GALNTL5: variants seen among roughly 807,000 people sequenced by gnomAD.
GALNTL5 encodes the protein polypeptide N-acetylgalactosaminyltransferase like 5.
A neutral mutation model predicts 51.0 loss-of-function variants in GALNTL5; 44 were observed. The observed-to-expected ratio is 0.86, with a 90% CI of 0.68 to 1.11. GALNTL5 has a LOEUF of 1.11. Among genes scored for constraint, GALNTL5 ranks in the 50% least tolerant of loss-of-function variants. GALNTL5 has a pLI of 0.00. For missense variants in GALNTL5, 528 were observed against 531.8 expected (o/e 0.99, Z 0.07); for synonymous variants, 192 against 182.8 (o/e 1.05, Z -0.41).
intron 3 of GALNTL5, among the ~76,000 whole-genome samples, chr7:151,981,318 C>T (rs73161845): frequency 0.19 from 29,289 of 152,108 alleles, 3,131 homozygotes; most frequent in African/African-American, 0.28. Flanking sequence ...GCGTGCCAGG[C>T]ACTGCTCTAA....
At chr7:152,008,863 T>C (rs1165043676) in intron 7 of GALNTL5, among the ~76,000 whole-genome samples, 1 of 152,218 alleles carries the variant, frequency 6.6e-6, no homozygotes, top group African/African-American at 2.4e-5. Context: ...TGTTTTATTA[T>C]ATTGCACTCT....
chr7:151,965,037 C>T (rs2081041057), intron 1 of GALNTL5, among the ~76,000 whole-genome samples: 1 of 152,170 alleles, frequency 6.6e-6, no homozygotes, highest in Non-Finnish European at 1.5e-5. Context: ...CTCTACCAGT[C>T]TACTTCTCCA....
intron 1 of GALNTL5, among the ~76,000 whole-genome samples, chr7:151,957,617 G>A (rs1401319859): frequency 2.6e-5 from 4 of 152,036 alleles, no homozygotes; most frequent in South Asian, 4.1e-4. Flanking sequence ...TTTAGGCTAG[G>A]GTTTTGGCGT....
Position 151,967,313 on chromosome 7 carries a change from T to C in GALNTL5, c.67T>C (p.Leu23=). The change falls in exon 2 of 9, where the codon TTA becomes CTA. Residue 23 remains leucine, a synonymous_variant. Transcript: ENST00000392800. ...SLTFGIWTAL[L]FIYLHHNHVS... ...GACATTTGGGATCTGGACAGCTCTG[T>C]TATTCATATATTTGCACCATAATCA... 1 of 1,614,110 alleles carries C rather than the reference T, an allele frequency of 6.2e-7. No individual in the cohort carries two copies. Among genetic ancestry groups the C allele is most frequent in the Non-Finnish European group, 8.5e-7 (1 of 1,179,952 alleles).
At chr7:151,973,858 G>A (rs2081177191) in intron 3 of GALNTL5, among the ~76,000 whole-genome samples, 3 of 152,154 alleles carry the variant, frequency 2.0e-5, no homozygotes, top group Non-Finnish European at 4.4e-5. Flanking sequence ...CAGGTGTCGA[G>A]GGAGGGGCCA....
chr7:152,014,892 C>G, intron 8 of GALNTL5, 99 bp downstream of exon 8: 1 of 1,147,876 alleles, frequency 8.7e-7, no homozygotes, highest in Non-Finnish European at 1.2e-6. Context: ...AGCGTTTGTT[C>G]TGGAGGTCAT....
At chr7:151,990,513 G>A (rs1204509774) in intron 5 of GALNTL5, among the ~76,000 whole-genome samples, 1 of 128,332 alleles carries the variant, frequency 7.8e-6, no homozygotes, top group African/African-American at 2.9e-5. Flanking sequence ...CCCGGGAGGC[G>A]GAGCTTGCAG....
rs371421844 is a variant in GALNTL5 at position 151,967,206 on chromosome 7, A to C, written c.-39-2A>C. On this transcript the variant is annotated splice_acceptor_variant, in intron 1 of 8. Coordinates refer to ENST00000392800, the MANE Select transcript of GALNTL5 (RefSeq NM_145292.4). LOFTEE classifies it low-confidence loss of function (5UTR_SPLICE). ...TGCTCCTCTTAAATCATTCTGATTT[A>C]GGAAATTGAAAAATGGACCTTTGAA... is the stretch of plus-strand genomic sequence containing the variant. 7 of 1,579,226 alleles carry C rather than the reference A, an allele frequency of 4.4e-6. No individual in the cohort carries two copies. In the African/African-American group the frequency reaches 9.5e-5, roughly 21 times the overall value.
chr7:151,981,044 C>T (rs945432940), intron 3 of GALNTL5, among the ~76,000 whole-genome samples: 2 of 152,124 alleles, frequency 1.3e-5, no homozygotes, highest in African/African-American at 4.8e-5. Context: ...CGCGCCCGGC[C>T]ACAATGATTT....
intron 8 of GALNTL5, among the ~76,000 whole-genome samples, chr7:152,015,937 G>C (rs1332819693): frequency 1.3e-5 from 2 of 152,106 alleles, no homozygotes; most frequent in Non-Finnish European, 2.9e-5. Flanking sequence ...AAATGTGTAA[G>C]AATCTCTCTG....
intron 6 of GALNTL5, among the ~76,000 whole-genome samples, chr7:152,005,454 C>T (rs77602719): frequency 0.027 from 4,105 of 152,278 alleles, 187 homozygotes; most frequent in African/African-American, 0.095. Flanking sequence ...ATGGACGGAA[C>T]TGCAGTGCCC....
intron 5 of GALNTL5, among the ~76,000 whole-genome samples, chr7:152,001,560 T>C (rs1033245262): frequency 6.6e-6 from 1 of 152,224 alleles, no homozygotes; most frequent in Non-Finnish European, 1.5e-5. Context: ...CAAAAATCAA[T>C]TGACCATAGA....
chr7:152,013,959 A>T (rs2081772351), intron 7 of GALNTL5, among the ~76,000 whole-genome samples: 1 of 152,238 alleles, frequency 6.6e-6, no homozygotes, highest in Admixed American at 6.5e-5. Context: ...TTTAGGTATT[A>T]AAAAAGATGA....
chr7:152,007,988 C>G, intron 7 of GALNTL5, 44 bp downstream of exon 7: 3 of 1,049,018 alleles, frequency 2.9e-6, no homozygotes, highest in Non-Finnish European at 4.5e-6. Context: ...AGAGTGAAAC[C>G]TAACTTTGTC....
At chr7:151,992,293 T>C (rs774302827) in intron 5 of GALNTL5, among the ~76,000 whole-genome samples, 16 of 152,224 alleles carry the variant, frequency 1.1e-4, no homozygotes, top group Non-Finnish European at 2.1e-4. Flanking sequence ...TTAGTTACTA[T>C]GTTGATGTGT....
chr7:151,967,489 G>A lies in GALNTL5; in HGVS notation c.243G>A (p.Met81Ile), dbSNP rs773572268. The change falls in exon 2 of 9, where the codon ATG (methionine) becomes ATA (isoleucine). Residue 81 changes from methionine to isoleucine, a missense_variant. Physicochemically the swap from Met to Ile is conservative, Grantham distance 10. Transcript: ENST00000392800. ...KRTDEDKAKS[M>I]LGTDFNHTNP... is the part of the protein sequence containing the mutation. ...CTGATGAAGATAAAGCAAAGTCTAT[G>A]TTAGGTAAGTATTTGGATTTTTTTC... 1 of 1,610,796 alleles carries A rather than the reference G, an allele frequency of 6.2e-7. No individual in the cohort carries two copies. The highest frequency in any genetic ancestry group is 8.5e-7 in the Non-Finnish European group (1 of 1,178,126).
chr7:151,987,234 G>C lies in GALNTL5; in HGVS notation c.611G>C (p.Arg204Thr). The part of the protein sequence containing the change: ...GKVKIIRNKK[R>T]EGLIRARLIG... ...GTTAAAATAATAAGAAACAAAAAGAGAGAGGGGCTGATTCGAGCAAGGCTG... is the reference window on the plus strand; with the variant it reads ...GTTAAAATAATAAGAAACAAAAAGACAGAGGGGCTGATTCGAGCAAGGCTG... Residue 204 changes from arginine (R) to threonine (T), a missense_variant, in exon 5 of 9, where the codon AGA becomes ACA. Coordinates refer to ENST00000392800, the MANE Select transcript of GALNTL5 (RefSeq NM_145292.4). 6.2e-7 allele frequency: 1 copy of C among 1,600,642 alleles called. No individual in the cohort carries two copies.
intron 8 of GALNTL5, among the ~76,000 whole-genome samples, chr7:152,016,670 A>G (rs58447119): frequency 0.011 from 1,608 of 152,326 alleles, 29 homozygotes; most frequent in African/African-American, 0.037. Flanking sequence ...AACTTAATAC[A>G]ATACAAATAC....
intron 5 of GALNTL5, among the ~76,000 whole-genome samples, chr7:151,996,806 A>AAAG (rs2081506436): frequency 6.6e-6 from 1 of 152,200 alleles, no homozygotes; most frequent in Admixed American, 6.5e-5. Context: ...AAAAAAAAAG[A>AAAG]AAAAATATTT....
Sources: gnomAD v4.1 joint callset for allele counts (sites outside exome capture counted in the v4.1 genomes callset) on GRCh38, gnomAD v4.1.1 for gene constraint, MANE v1.5 for transcripts, NCBI Gene and HGNC (gene_info 2026-07-23, HGNC 2026-07-21) for gene names.